NT5DC1: variants seen among roughly 807,000 people sequenced by gnomAD.
NT5DC1 encodes the protein 5'-nucleotidase domain-containing protein 1.
In NT5DC1, 42 loss-of-function variants were observed where a neutral mutation model predicts 59.4. The observed-to-expected ratio is 0.71, with a 90% confidence interval of 0.55 to 0.92. The LOEUF is 0.92. Ranked by LOEUF, NT5DC1 falls within the 40% of genes least tolerant of loss-of-function variation. The probability of loss-of-function intolerance (pLI) is 0.00; values close to 1 mark genes in which losing one functional copy is unlikely to be tolerated. For synonymous variants in NT5DC1, 172 were observed against 188.1 expected (o/e 0.91, Z 0.70); for missense variants, 501 against 537.1 (o/e 0.93, Z 0.66).
intron 7 of NT5DC1, among the ~76,000 whole-genome samples, chr6:116,221,530 C>T (rs1781805424): frequency 6.6e-6 from 1 of 152,162 alleles, no homozygotes; most frequent in Non-Finnish European, 1.5e-5. Flanking sequence ...TTTGGTTTCT[C>T]ATCTTTGGAC....
chr6:116,218,131 AATT>A (rs1415649878), intron 6 of NT5DC1, among the ~76,000 whole-genome samples: 2 of 152,134 alleles, frequency 1.3e-5, no homozygotes, highest in Non-Finnish European at 2.9e-5. Context: ...TATCTGATTA[AATT>A]ATTATATTGG....
At chr6:116,174,686 G>C (rs1476093956) in intron 6 of NT5DC1, among the ~76,000 whole-genome samples, 1 of 151,990 alleles carries the variant, frequency 6.6e-6, no homozygotes, top group African/African-American at 2.4e-5. Context: ...TTTTATACAG[G>C]TACTTGTTTT....
intron 6 of NT5DC1, chr6:116,119,368 A>G (rs539461827): frequency 6.6e-6 from 1 of 152,566 alleles, no homozygotes; most frequent in Admixed American, 6.5e-5. Flanking sequence ...TGCTGGGTAT[A>G]TAAAAAGCTT....
At chr6:116,195,713 A>G (rs1781208832) in intron 6 of NT5DC1, among the ~76,000 whole-genome samples, 1 of 152,068 alleles carries the variant, frequency 6.6e-6, no homozygotes, top group African/African-American at 2.4e-5. Flanking sequence ...CTTGTTAGCT[A>G]AATATATTCA....
intron 6 of NT5DC1, among the ~76,000 whole-genome samples, chr6:116,161,629 A>C (rs1780332305): frequency 6.6e-6 from 1 of 152,172 alleles, no homozygotes; most frequent in Admixed American, 6.5e-5. Context: ...TGGTTACATT[A>C]GACTTGTAGT....
At chr6:116,140,072 A>G (rs898180742) in intron 6 of NT5DC1, among the ~76,000 whole-genome samples, 1 of 152,180 alleles carries the variant, frequency 6.6e-6, no homozygotes, top group African/African-American at 2.4e-5. Context: ...GAGGAATTCC[A>G]CAGGTTCATA....
At chr6:116,133,731 G>T (rs1779523206) in intron 6 of NT5DC1, among the ~76,000 whole-genome samples, 1 of 152,142 alleles carries the variant, frequency 6.6e-6, no homozygotes, top group South Asian at 2.1e-4. Context: ...GATGCTAAGT[G>T]AGTCTTCCTG....
chr6:116,163,591 TTG>T (rs1463688605), intron 6 of NT5DC1, among the ~76,000 whole-genome samples: 2 of 152,202 alleles, frequency 1.3e-5, no homozygotes, highest in Non-Finnish European at 2.9e-5. Flanking sequence ...TGTTGATCCC[TTG>T]TGTGATATTT....
intron 4 of NT5DC1, 133 bp downstream of exon 4, chr6:116,111,089 T>A: frequency 3.2e-6 from 2 of 627,300 alleles, no homozygotes; most frequent in South Asian, 3.9e-5. Context: ...TTCAGCTTTA[T>A]AGCAATAGGA....
chr6:116,102,758 C>T (rs974933178), intron 1 of NT5DC1, among the ~76,000 whole-genome samples: 1 of 151,594 alleles, frequency 6.6e-6, no homozygotes, highest in African/African-American at 2.4e-5. Flanking sequence ...GTGCTGAGCA[C>T]CATGCTAGAG....
chr6:116,232,473 G>A (rs1041743789), intron 8 of NT5DC1, among the ~76,000 whole-genome samples: 1 of 151,734 alleles, frequency 6.6e-6, no homozygotes, highest in Non-Finnish European at 1.5e-5. Flanking sequence ...GTGCATACCA[G>A]ATAGAGTTCA....
chr6:116,193,916 T>C (rs1781174682), intron 6 of NT5DC1, among the ~76,000 whole-genome samples: 1 of 151,862 alleles, frequency 6.6e-6, no homozygotes, highest in Non-Finnish European at 1.5e-5. Flanking sequence ...ATACAGAAAG[T>C]AGTCAGATGT....
At position 116,223,017 on chromosome 6, in the gene NT5DC1, A is replaced by G. The variant is rs757440441; in HGVS notation, c.705-17A>G. ...TAATTCTTAAAATAAACTTATGAAA[A>G]ATTGTGTTGCTTTTAGGAATGATTT... On this transcript the variant is annotated splice_polypyrimidine_tract_variant and intron_variant, in intron 7 of 11. Transcript: ENST00000319550. 7.4e-7 allele frequency: 1 copy of G among 1,358,350 alleles called. No individual in the cohort carries two copies. The highest frequency in any genetic ancestry group is 1.2e-5 in the South Asian group (1 of 83,418). 84.1% of individuals were successfully genotyped at this position (1,358,350 alleles called of 1,614,324 possible). A position where few individuals can be genotyped will look rare whatever the true frequency, so the allele number is the denominator to read the frequency against.
intron 6 of NT5DC1, among the ~76,000 whole-genome samples, chr6:116,156,076 T>A (rs1780185588): frequency 6.6e-6 from 1 of 152,210 alleles, no homozygotes; most frequent in Admixed American, 6.5e-5. Context: ...AATCATGCCA[T>A]CACTTAAAAA....
At chr6:116,177,813 T>C (rs1316430933) in intron 6 of NT5DC1, among the ~76,000 whole-genome samples, 1 of 152,224 alleles carries the variant, frequency 6.6e-6, no homozygotes, top group African/African-American at 2.4e-5. Context: ...CCCATTTGTT[T>C]ATTTTCTGCT....
At chr6:116,243,769 C>A in intron 11 of NT5DC1, 140 bp from the exon 12 acceptor site, 2 of 513,400 alleles carry the variant, frequency 3.9e-6, no homozygotes, top group Non-Finnish European at 3.5e-6. Flanking sequence ...TAGCTACACA[C>A]AGACCTACTG....
intron 1 of NT5DC1, among the ~76,000 whole-genome samples, chr6:116,101,868 G>T (rs1778664475): frequency 6.6e-6 from 1 of 152,152 alleles, no homozygotes; most frequent in African/African-American, 2.4e-5. Context: ...GACAGAAAAA[G>T]AGCTGGTTAT....
chr6:116,127,851 T>C (rs1353657421), intron 6 of NT5DC1, among the ~76,000 whole-genome samples: 1 of 152,214 alleles, frequency 6.6e-6, no homozygotes, highest in East Asian at 1.9e-4. Context: ...TACATAGTGC[T>C]ATGCCCCTGT....
chr6:116,103,827 A>T (rs943884137), intron 1 of NT5DC1, among the ~76,000 whole-genome samples: 1 of 152,216 alleles, frequency 6.6e-6, no homozygotes, highest in Non-Finnish European at 1.5e-5. Flanking sequence ...CAGAAGTCTG[A>T]TACCAGTCAG....
Sources: gnomAD v4.1 joint callset for allele counts (sites outside exome capture counted in the v4.1 genomes callset) on GRCh38, gnomAD v4.1.1 for gene constraint, MANE v1.5 for transcripts, NCBI Gene and HGNC (gene_info 2026-07-23, HGNC 2026-07-21) for gene names.